WDR59: variants seen among roughly 807,000 people sequenced by gnomAD.
WDR59 encodes the protein WD repeat domain 59.
In WDR59, 100 loss-of-function variants were observed where a neutral mutation model predicts 131.2. The observed-to-expected ratio is 0.76, with a 90% confidence interval of 0.65 to 0.90. The LOEUF is 0.90. Among genes scored for constraint, WDR59 ranks in the 40% least tolerant of loss-of-function variants. WDR59 has a pLI of 0.00. For synonymous variants in WDR59, 601 were observed against 466.2 expected (o/e 1.29, Z -3.72); for missense variants, 1,203 against 1,262.2 (o/e 0.95, Z 0.71).
intron 3 of WDR59, among the ~76,000 whole-genome samples, chr16:74,953,541 T>G (rs996380408): frequency 6.7e-6 from 1 of 149,240 alleles, no homozygotes; most frequent in East Asian, 2.0e-4. Context: ...TTCATTAAAA[T>G]TAAAGCTTTT....
chr16:74,909,042 A>G, intron 16 of WDR59, 65 bp from the exon 17 acceptor site: 1 of 1,375,838 alleles, frequency 7.3e-7, no homozygotes, highest in Non-Finnish European at 1.0e-6. Flanking sequence ...ATCCTGAGGC[A>G]GGACTGGCCA....
chr16:74,892,464 C>T lies in WDR59; in HGVS notation c.2082+20G>A. On this transcript the variant is annotated intron_variant, in intron 20 of 25. Transcript: ENST00000262144. ...TCCTGAAGAAAAATCCAAATCTCCA[C>T]CAAAAGGGATGGACAATACCTGGAC... 2 of 1,603,788 alleles carry T rather than the reference C, an allele frequency of 1.2e-6. No individual in the cohort carries two copies. The highest frequency in any genetic ancestry group is 1.7e-6 in the Non-Finnish European group (2 of 1,174,130).
At chr16:74,920,054 G>T (rs2030030466) in intron 10 of WDR59, among the ~76,000 whole-genome samples, 1 of 142,434 alleles carries the variant, frequency 7.0e-6, no homozygotes, top group South Asian at 2.3e-4. Context: ...GGGTGACAGA[G>T]CGAGACCCTA....
chr16:74,923,695 G>A (rs2030486014), intron 9 of WDR59, among the ~76,000 whole-genome samples: 1 of 151,996 alleles, frequency 6.6e-6, no homozygotes, highest in South Asian at 2.1e-4. Context: ...GGATGGTCTC[G>A]AACTCCTGAC....
chr16:74,949,442 G>A (rs924443211), intron 5 of WDR59, among the ~76,000 whole-genome samples: 1 of 145,452 alleles, frequency 6.9e-6, no homozygotes, highest in South Asian at 2.4e-4. Flanking sequence ...GGGAGGGAAA[G>A]AAGGAGGGAG....
intron 17 of WDR59, 184 bp downstream of exon 17, chr16:74,908,724 C>G (rs1285833653): frequency 2.0e-5 from 11 of 556,830 alleles, no homozygotes; most frequent in African/African-American, 1.3e-4. Flanking sequence ...AATAACCATA[C>G]AGCAGAAATC....
chr16:74,958,021 C>T (rs2156277), intron 2 of WDR59, among the ~76,000 whole-genome samples: 43,186 of 152,112 alleles, frequency 0.28, 7,397 homozygotes, highest in East Asian at 0.72. Flanking sequence ...CGATGGCCAG[C>T]TGGCATCGTC....
At chr16:74,974,317 C>A (rs2034101573) in intron 1 of WDR59, among the ~76,000 whole-genome samples, 1 of 152,140 alleles carries the variant, frequency 6.6e-6, no homozygotes, top group African/African-American at 2.4e-5. Context: ...TGCAAAATGA[C>A]AGGGCAGAGG....
intron 2 of WDR59, among the ~76,000 whole-genome samples, chr16:74,958,236 A>C (rs2033385713): frequency 6.6e-6 from 1 of 152,130 alleles, no homozygotes; most frequent in Non-Finnish European, 1.5e-5. Flanking sequence ...AAAACCTCCA[A>C]AGACAAAGAA....
chr16:74,920,604 T>A (rs557761259), intron 10 of WDR59, among the ~76,000 whole-genome samples: 95 of 152,304 alleles, frequency 6.2e-4, no homozygotes, highest in African/African-American at 2.2e-3. Context: ...TTTTGCCATG[T>A]TGGCCAGAAC....
At chr16:74,924,830 G>T (rs1160177637) in intron 8 of WDR59, among the ~76,000 whole-genome samples, 2 of 151,978 alleles carry the variant, frequency 1.3e-5, no homozygotes, top group African/African-American at 4.8e-5. Flanking sequence ...CATGTTGCCC[G>T]GGCTGGTCTC....
chr16:74,979,791 A>T (rs995716750), intron 1 of WDR59, among the ~76,000 whole-genome samples: 1 of 144,688 alleles, frequency 6.9e-6, no homozygotes, highest in Non-Finnish European at 1.5e-5. Context: ...CGCCTGCCTC[A>T]GCCTCCCAAA....
chr16:74,964,258 A>G (rs562520447), intron 2 of WDR59, among the ~76,000 whole-genome samples: 1 of 151,960 alleles, frequency 6.6e-6, no homozygotes, highest in East Asian at 1.9e-4. Flanking sequence ...AGGCGCCTAT[A>G]ATCCCAGGTA....
intron 1 of WDR59, 37 bp downstream of exon 1, chr16:74,984,927 C>T: frequency 6.3e-7 from 1 of 1,595,690 alleles, no homozygotes. Flanking sequence ...GCGGGGAGGA[C>T]GCATGCCCAG....
chr16:74,984,757 C>A, intron 1 of WDR59: 1 of 652,568 alleles, frequency 1.5e-6, no homozygotes, highest in East Asian at 2.8e-5. Context: ...TAGGGAGCCC[C>A]GAAACTCCGT....
intron 6 of WDR59, among the ~76,000 whole-genome samples, chr16:74,945,304 G>A (rs531409092): frequency 1.1e-4 from 16 of 149,734 alleles, no homozygotes; most frequent in South Asian, 2.1e-4. Context: ...GTGAAACCCT[G>A]TCTCTACTAA....
chr16:74,932,002 A>C (rs933860420), intron 8 of WDR59, among the ~76,000 whole-genome samples: 8 of 151,772 alleles, frequency 5.3e-5, no homozygotes, highest in Non-Finnish European at 1.2e-4. Context: ...ATAATTTCAA[A>C]ATCTTTAAGA....
At chr16:74,913,930 G>A (rs942911723) in intron 13 of WDR59, among the ~76,000 whole-genome samples, 1 of 152,166 alleles carries the variant, frequency 6.6e-6, no homozygotes, top group African/African-American at 2.4e-5. Flanking sequence ...ATTTTGGCTG[G>A]GCACAGTGGC....
In WDR59 at chr16:74,929,678, G is replaced by A. The variant is rs541201206; in HGVS notation, c.652-5675C>T. Among the ~76,000 whole-genome samples, 20 of 152,228 alleles carry A rather than the reference G, an allele frequency of 1.3e-4. No individual in the cohort carries two copies. The East Asian group carries it at 3.9e-3, about 29-fold the overall frequency. ...ATATGATCCAGCAACCCCACTGCTA[G>A]GTATACACCCCAAAGAAAAAAAACC... is the stretch of plus-strand genomic sequence containing the variant. On this transcript the variant is annotated intron_variant, in intron 8 of 25. Transcript: ENST00000262144.
Sources: gnomAD v4.1 joint callset for allele counts (sites outside exome capture counted in the v4.1 genomes callset) on GRCh38, gnomAD v4.1.1 for gene constraint, MANE v1.5 for transcripts, NCBI Gene and HGNC (gene_info 2026-07-23, HGNC 2026-07-21) for gene names.